The following DOK5 variants were observed in gnomAD, a reference collection of about 807,000 sequenced individuals.
DOK5 encodes the protein docking protein 5.
In DOK5, 27 loss-of-function variants were observed where a neutral mutation model predicts 43.3. The ratio of observed to expected loss-of-function variants is 0.62; its 90% CI spans 0.46 to 0.86. The LOEUF (loss-of-function observed/expected upper bound fraction) is 0.86. Ranked by LOEUF, DOK5 falls within the 40% of genes least tolerant of loss-of-function variation. DOK5 has a pLI of 0.00. For missense variants in DOK5, 373 were observed against 392.9 expected, an observed-to-expected ratio of 0.95 and a Z score of 0.43; for synonymous variants, 146 against 140.1, an observed-to-expected ratio of 1.04 and a Z score of -0.30.
chr20:54,592,531 A>G (rs1025028402), intron 5 of DOK5, among the ~76,000 whole-genome samples: 4 of 149,624 alleles, frequency 2.7e-5, no homozygotes, highest in African/African-American at 9.8e-5. Context: ...GTTTGGGAAC[A>G]CTGCAGGTAA....
chr20:54,563,665 T>G (rs76789174), intron 2 of DOK5, among the ~76,000 whole-genome samples: 2 of 91,576 alleles, frequency 2.2e-5, no homozygotes, highest in Non-Finnish European at 3.9e-5. Context: ...ATTTGTCAGG[T>G]TTTTTTTTTT....
At chr20:54,539,824 G>A (rs1984087378) in intron 1 of DOK5, among the ~76,000 whole-genome samples, 1 of 152,210 alleles carries the variant, frequency 6.6e-6, no homozygotes, top group Non-Finnish European at 1.5e-5. Flanking sequence ...ATAAATTGTT[G>A]TTTAAGCAGC....
intron 1 of DOK5, among the ~76,000 whole-genome samples, chr20:54,518,475 T>TAG: frequency 6.6e-6 from 1 of 152,324 alleles, no homozygotes; most frequent in Admixed American, 6.5e-5. Context: ...TATGGCTGCA[T>TAG]AGTATTCCAT....
At chr20:54,536,879 C>T (rs1983978898) in intron 1 of DOK5, among the ~76,000 whole-genome samples, 1 of 152,196 alleles carries the variant, frequency 6.6e-6, no homozygotes, top group Admixed American at 6.5e-5. Context: ...CTCATCCACA[C>T]CCATCAGTAA....
chr20:54,491,074 C>T (rs1320270404), intron 1 of DOK5, among the ~76,000 whole-genome samples: 5 of 152,220 alleles, frequency 3.3e-5, no homozygotes, highest in Non-Finnish European at 7.4e-5. Context: ...ACCATCCAAT[C>T]TTAGGTGGTC....
At chr20:54,595,756 G>A (rs1986121632) in intron 5 of DOK5, among the ~76,000 whole-genome samples, 1 of 152,202 alleles carries the variant, frequency 6.6e-6, no homozygotes, top group Non-Finnish European at 1.5e-5. Context: ...GGTCAGAAAG[G>A]AAAGTGTGGG....
At chr20:54,593,299 A>G (rs1221852213) in intron 5 of DOK5, among the ~76,000 whole-genome samples, 1 of 152,044 alleles carries the variant, frequency 6.6e-6, no homozygotes, top group African/African-American at 2.4e-5. Flanking sequence ...TCAAAGCCCA[A>G]TTATTTAAAA....
At chr20:54,504,450 A>AG (rs1048206184) in intron 1 of DOK5, among the ~76,000 whole-genome samples, 29 of 152,142 alleles carry the variant, frequency 1.9e-4, no homozygotes, top group Admixed American at 1.8e-3. Context: ...TGGAAGTTTT[A>AG]GGGGGGGTTT....
intron 1 of DOK5, among the ~76,000 whole-genome samples, chr20:54,505,157 T>G (rs1309578456): frequency 2.0e-5 from 3 of 152,090 alleles, no homozygotes; most frequent in Non-Finnish European, 4.4e-5. Flanking sequence ...GTCCCTGCAA[T>G]GTAGGGATAT....
chr20:54,544,933 C>T (rs1480361009), intron 1 of DOK5, among the ~76,000 whole-genome samples: 2 of 152,206 alleles, frequency 1.3e-5, no homozygotes, highest in Admixed American at 1.3e-4. Context: ...AGAATCATGG[C>T]TGGTAATTCT....
At chr20:54,582,912 T>A (rs138645747) in intron 2 of DOK5, among the ~76,000 whole-genome samples, 36 of 152,180 alleles carry the variant, frequency 2.4e-4, no homozygotes, top group African/African-American at 8.7e-4. Context: ...TCTTATTATT[T>A]TGGGCATAGT....
At chr20:54,561,959 G>A (rs60130504) in intron 2 of DOK5, among the ~76,000 whole-genome samples, 11 of 152,008 alleles carry the variant, frequency 7.2e-5, no homozygotes, top group African/African-American at 2.7e-4. Context: ...GCCTGGCCAC[G>A]TTTAAGCCTT....
chr20:54,616,222 A>C (rs751340998), intron 6 of DOK5, among the ~76,000 whole-genome samples: 6 of 152,334 alleles, frequency 3.9e-5, no homozygotes, highest in Non-Finnish European at 7.3e-5. Context: ...CCAGCTTAGA[A>C]GGTATTAGGG....
At chr20:54,543,850 A>G (rs1322547768) in intron 1 of DOK5, among the ~76,000 whole-genome samples, 1 of 152,214 alleles carries the variant, frequency 6.6e-6, no homozygotes, top group Admixed American at 6.5e-5. Flanking sequence ...CACATTTGCC[A>G]TGATTAATTA....
intron 6 of DOK5, among the ~76,000 whole-genome samples, chr20:54,632,492 A>C (rs1978616763): frequency 1.3e-5 from 2 of 152,210 alleles, no homozygotes; most frequent in South Asian, 4.1e-4. Context: ...CTCCACAATA[A>C]ATTATGCGTG....
At chr20:54,510,492 C>T (rs993048590) in intron 1 of DOK5, among the ~76,000 whole-genome samples, 12 of 152,074 alleles carry the variant, frequency 7.9e-5, no homozygotes, top group African/African-American at 2.7e-4. Flanking sequence ...TAAACCACAG[C>T]CAGGCATGTA....
intron 1 of DOK5, among the ~76,000 whole-genome samples, chr20:54,486,946 T>A (rs1197724459): frequency 2.0e-5 from 3 of 152,162 alleles, no homozygotes; most frequent in African/African-American, 7.2e-5. Flanking sequence ...GTCATGTTTT[T>A]GATAATAAAA....
intron 1 of DOK5, among the ~76,000 whole-genome samples, chr20:54,544,408 A>G (rs764756798): frequency 3.9e-5 from 6 of 152,200 alleles, no homozygotes; most frequent in African/African-American, 7.2e-5. Context: ...GTAGTCTTCA[A>G]GCACCAACTG....
At chr20:54,503,070 A>G (rs1416935501) in intron 1 of DOK5, among the ~76,000 whole-genome samples, 1 of 152,144 alleles carries the variant, frequency 6.6e-6, no homozygotes, top group African/African-American at 2.4e-5. Context: ...TTGTATTTGT[A>G]TATATGTGCT....
Sources: gnomAD v4.1 joint callset for allele counts (sites outside exome capture counted in the v4.1 genomes callset) on GRCh38, gnomAD v4.1.1 for gene constraint, MANE v1.5 for transcripts, NCBI Gene and HGNC (gene_info 2026-07-23, HGNC 2026-07-21) for gene names.